Variants in BAZ2B observed in about 807,000 individuals in gnomAD.
The protein encoded by BAZ2B is bromodomain adjacent to zinc finger domain protein 2B.
In BAZ2B, 91 loss-of-function variants were observed where a neutral mutation model predicts 246.0. That is an observed-to-expected ratio of 0.37 (90% CI 0.31 to 0.44). BAZ2B has a LOEUF of 0.44. Ranked by LOEUF, BAZ2B falls within the 20% of genes least tolerant of loss-of-function variation. BAZ2B has a pLI of 1.00. For missense variants in BAZ2B, 2,332 were observed against 2,533.7 expected, an observed-to-expected ratio of 0.92 and a Z score of 1.71; for synonymous variants, 855 against 860.0, an observed-to-expected ratio of 0.99 and a Z score of 0.10.
chr2:159,506,915 C>A (rs1056598627), intron 2 of BAZ2B, among the ~76,000 whole-genome samples: 7 of 152,094 alleles, frequency 4.6e-5, no homozygotes, highest in African/African-American at 1.7e-4. Context: ...GATAAACTAT[C>A]CAAAGAGGTC....
intron 27 of BAZ2B, among the ~76,000 whole-genome samples, chr2:159,371,585 G>T (rs1349542275): frequency 1.3e-5 from 2 of 152,040 alleles, no homozygotes; most frequent in African/African-American, 4.8e-5. Context: ...TGCTCCTGAG[G>T]TTATGGCCTC....
the BAZ2B span, among the ~76,000 whole-genome samples, chr2:159,668,053 TTCTC>T: frequency 2.6e-5 from 4 of 152,186 alleles, no homozygotes; most frequent in Non-Finnish European, 5.9e-5. Flanking sequence ...CATTTAAAAA[TTCTC>T]TCATCAGTGT....
At chr2:159,421,987 A>T (rs1272017466) in intron 13 of BAZ2B, among the ~76,000 whole-genome samples, 1 of 152,174 alleles carries the variant, frequency 6.6e-6, no homozygotes, top group Non-Finnish European at 1.5e-5. Flanking sequence ...AATCTCATTT[A>T]CAATAATAGC....
chr2:159,583,785 C>A (rs915005321), intron 1 of BAZ2B, among the ~76,000 whole-genome samples: 8 of 152,110 alleles, frequency 5.3e-5, no homozygotes, highest in African/African-American at 1.7e-4. Flanking sequence ...GAGTACAGGG[C>A]AGACGGTTTA....
the BAZ2B span, among the ~76,000 whole-genome samples, chr2:159,678,844 C>T: frequency 6.6e-6 from 1 of 152,146 alleles, no homozygotes; most frequent in African/African-American, 2.4e-5. Context: ...CAATCCCTAA[C>T]CCCTGATAAC....
chr2:159,625,266 CAGG>C, the BAZ2B span, among the ~76,000 whole-genome samples: 2 of 152,066 alleles, frequency 1.3e-5, no homozygotes, highest in South Asian at 4.2e-4. Flanking sequence ...TCAGGATATC[CAGG>C]AGAACTTCCC....
At chr2:159,620,404 A>G (rs1368334006), upstream of BAZ2B, among the ~76,000 whole-genome samples, 1 of 152,216 alleles carries the variant, frequency 6.6e-6, no homozygotes, top group African/African-American at 2.4e-5. Flanking sequence ...GAAAAACATG[A>G]AAAGCTCACA....
At chr2:159,534,819 T>G (rs550021199) in intron 2 of BAZ2B, among the ~76,000 whole-genome samples, 96 of 152,082 alleles carry the variant, frequency 6.3e-4, no homozygotes, top group Admixed American at 3.5e-3. Context: ...GCTAGCCAGG[T>G]TGGTCTCGAA....
At chr2:159,594,390 G>C (rs572357483) in intron 1 of BAZ2B, among the ~76,000 whole-genome samples, 148 of 152,096 alleles carry the variant, frequency 9.7e-4, no homozygotes, top group African/African-American at 2.7e-3. Flanking sequence ...CTGGGCAACA[G>C]AGCGAGACTC....
chr2:159,521,597 A>G (rs531159865), intron 2 of BAZ2B, among the ~76,000 whole-genome samples: 1 of 152,038 alleles, frequency 6.6e-6, no homozygotes, highest in South Asian at 2.1e-4. Flanking sequence ...TCTTACTTTC[A>G]TTTTTTTCTC....
intron 2 of BAZ2B, among the ~76,000 whole-genome samples, chr2:159,547,060 G>A (rs971683654): frequency 6.6e-6 from 1 of 152,128 alleles, no homozygotes; most frequent in African/African-American, 2.4e-5. Context: ...ATATTCAGTG[G>A]TAAGGGGAGT....
In BAZ2B at chr2:159,320,151, A is replaced by G. The variant is rs570129428; in HGVS notation, c.*114T>C. On this transcript the variant is annotated 3_prime_UTR_variant, in exon 37 of 37. Coordinates refer to ENST00000392783, the MANE Select transcript of BAZ2B (RefSeq NM_013450.4). ...TTCTGATACTTTTTTTTTATACTTA[A>G]GGAAAAAGAAAGTCATTATGTATGT... is the stretch of plus-strand genomic sequence containing the variant. The G allele has an allele frequency of 1.6e-5, 15 of 943,024 alleles. No individual in the cohort carries two copies. Among genetic ancestry groups the G allele is most frequent in the Non-Finnish European group, 2.0e-5 (14 of 699,062 alleles). The allele number at this position is 943,024 out of a possible 1,614,324, so 58.4% of individuals were successfully genotyped here. A position where few individuals can be genotyped will look rare whatever the true frequency, so the allele number is the denominator to read the frequency against.
the BAZ2B span, among the ~76,000 whole-genome samples, chr2:159,651,948 T>C: frequency 1.3e-5 from 2 of 152,324 alleles, no homozygotes; most frequent in African/African-American, 4.8e-5. Context: ...CATTCATCTA[T>C]TAGTGAATAA....
chr2:159,710,115 T>C, the BAZ2B span, among the ~76,000 whole-genome samples: 1 of 152,204 alleles, frequency 6.6e-6, no homozygotes, highest in Non-Finnish European at 1.5e-5. Flanking sequence ...AACACTTGCC[T>C]GTCAAATCAC....
At chr2:159,694,043 A>G in the BAZ2B span, 1 of 152,244 alleles carries the variant, frequency 6.6e-6, no homozygotes, top group South Asian at 2.1e-4. Context: ...CACCTCTAGT[A>G]CCTTAGAATG....
chr2:159,462,573 ACTC>A (rs1375039909), intron 3 of BAZ2B: 1 of 878,706 alleles, frequency 1.1e-6, no homozygotes, highest in African/African-American at 1.6e-5. Context: ...ATTTTAATAA[ACTC>A]CTTGGCAGTT....
chr2:159,642,498 CA>C, the BAZ2B span, among the ~76,000 whole-genome samples: 1 of 152,036 alleles, frequency 6.6e-6, no homozygotes, highest in African/African-American at 2.4e-5. Context: ...CTCGGCCTCC[CA>C]AAGTGCTGGG....
chr2:159,369,186 T>G (rs2060548870), intron 27 of BAZ2B, among the ~76,000 whole-genome samples: 1 of 152,202 alleles, frequency 6.6e-6, no homozygotes, highest in African/African-American at 2.4e-5. Flanking sequence ...GGATTTGAGC[T>G]GGATCAAGAA....
chr2:159,432,871 A>G lies in BAZ2B; in HGVS notation c.1786T>C (p.Ser596Pro). The stretch of plus-strand genomic sequence containing the variant: ...GAATCTTTACTACTGGGAATGTCTG[A>G]ATCTGTTCCTCTGAATTGTTCCACT... Reference protein sequence around the residue: ...SLVEQFRGTDSDIPSSKDSED... With the variant: ...SLVEQFRGTDPDIPSSKDSED... The change falls in exon 9 of 37, where the codon TCA becomes CCA. Residue 596 changes from serine (S) to proline (P), a missense_variant. Physicochemically the swap from Ser to Pro is moderately conservative, Grantham distance 74. This residue lies in a region of BAZ2B where 651 missense variants were observed against 650.9 expected (regional missense o/e 1.00). Transcript: ENST00000392783. 6.2e-7 allele frequency: 1 copy of G among 1,614,092 alleles called. No homozygotes were observed. Among genetic ancestry groups the G allele is most frequent in the Non-Finnish European group, 8.5e-7 (1 of 1,180,006 alleles).
Sources: allele counts gnomAD v4.1 joint callset (sites outside exome capture counted in the v4.1 genomes callset), GRCh38; gene constraint gnomAD v4.1.1; regional missense constraint gnomAD v4.1.1; transcripts MANE v1.5; gene names NCBI Gene and HGNC (gene_info 2026-07-23, HGNC 2026-07-21).